The following PFKP variants were observed in gnomAD, a reference collection of about 807,000 sequenced individuals.
PFKP encodes the protein ATP-dependent 6-phosphofructokinase, platelet type.
Under a neutral mutation model 94.3 loss-of-function variants are expected in PFKP, and 101 were observed. That is an observed-to-expected ratio of 1.07 (90% CI 0.91 to 1.26). The LOEUF (loss-of-function observed/expected upper bound fraction) is 1.26, where lower values mean the gene tolerates loss of function less well. Ranked by LOEUF, PFKP falls within the 50% of genes most tolerant of loss-of-function variation. The probability of loss-of-function intolerance (pLI) is 0.00; values close to 1 mark genes in which losing one functional copy is unlikely to be tolerated. For missense variants in PFKP, 1,145 were observed against 1,103.3 expected, an observed-to-expected ratio of 1.04 and a Z score of -0.53; for synonymous variants, 573 against 432.6, an observed-to-expected ratio of 1.32 and a Z score of -4.03.
chr10:3,084,713 AGGAGAGTCCTCCAGCC>A (rs1833358637), intron 2 of PFKP, among the ~76,000 whole-genome samples: 1 of 67,464 alleles, frequency 1.5e-5, no homozygotes, highest in Non-Finnish European at 3.7e-5. Context: ...GCCCCTCCCC[AGGAGAGTCCTCCAGCC>A]CCTCCCCAGG....
intron 1 of PFKP, among the ~76,000 whole-genome samples, chr10:3,071,243 G>A (rs1174462507): frequency 6.6e-6 from 1 of 151,930 alleles, no homozygotes; most frequent in Non-Finnish European, 1.5e-5. Context: ...TTATGTGATG[G>A]GCTGCTTTTT....
In PFKP at chr10:3,100,862, C is replaced by CAAAAAAAAAAAAAA. The variant is rs71294492; in HGVS notation, c.265-496_265-483dup. On this transcript the variant is annotated intron_variant, in intron 3 of 21. Transcript: ENST00000381125. ...TAAAAGGGGCAGCGAGTATGTGGTGCAAAAAAAAAAAAAAAAAAAATCCCC... is the reference window on the plus strand; with the variant it reads ...TAAAAGGGGCAGCGAGTATGTGGTGCAAAAAAAAAAAAAAAAAAAAAAAAAAAAAAAAAATCCCC... 1,481 of 656,260 alleles carry CAAAAAAAAAAAAAA rather than the reference C, an allele frequency of 2.3e-3. 31 individuals are homozygous for CAAAAAAAAAAAAAA. Among genetic ancestry groups the CAAAAAAAAAAAAAA allele is most frequent in the African/African-American group, 0.017 (685 of 40,896 alleles). The allele number at this position is 656,260 out of a possible 1,614,324, so 40.7% of individuals were successfully genotyped here.
Position 3,078,622 on chromosome 10 carries a change from A to G in PFKP, c.113-3766A>G, listed in dbSNP as rs905021446. On this transcript the variant is annotated intron_variant, in intron 1 of 21. Coordinates refer to ENST00000381125, the MANE Select transcript of PFKP (RefSeq NM_002627.5). ...AAATTAGGAAGGCTTGAAAGTTAAAATGAAATAAGACTAGGGTTTACACTA... is the reference window on the plus strand; with the variant it reads ...AAATTAGGAAGGCTTGAAAGTTAAAGTGAAATAAGACTAGGGTTTACACTA... Among the ~76,000 whole-genome samples, 3 of 152,368 alleles carry G rather than the reference A, an allele frequency of 2.0e-5. No individual in the cohort carries two copies. The East Asian group carries it at 5.8e-4, about 29-fold the overall frequency.
At chr10:3,076,930 C>T (rs143650660) in intron 1 of PFKP, among the ~76,000 whole-genome samples, 2 of 152,268 alleles carry the variant, frequency 1.3e-5, no homozygotes, top group African/African-American at 4.8e-5. Flanking sequence ...CCTTTGGCAT[C>T]CCACCTCCCC....
chr10:3,077,254 T>C (rs1300235074), intron 1 of PFKP, among the ~76,000 whole-genome samples: 1 of 94,562 alleles, frequency 1.1e-5, no homozygotes. Flanking sequence ...CTTTACTTTT[T>C]TTTTTTCTTT....
intron 17 of PFKP, among the ~76,000 whole-genome samples, chr10:3,130,688 T>A (rs1838473836): frequency 6.6e-6 from 1 of 152,170 alleles, no homozygotes; most frequent in African/African-American, 2.4e-5. Context: ...GCCTCCCAAG[T>A]AGCTGGGATT....
chr10:3,131,508 G>C (rs180990136), intron 17 of PFKP, among the ~76,000 whole-genome samples: 188 of 152,248 alleles, frequency 1.2e-3, no homozygotes, highest in African/African-American at 4.5e-3. Context: ...CCAGGCTGGA[G>C]TGTAGTGGCA....
chr10:3,079,930 C>T (rs534680843), intron 1 of PFKP, among the ~76,000 whole-genome samples: 11 of 151,156 alleles, frequency 7.3e-5, no homozygotes, highest in African/African-American at 2.7e-4. Flanking sequence ...TCTGTCCTGC[C>T]AGGAATAAAT....
At position 3,068,721 on chromosome 10, in the gene PFKP, C is replaced by G. The variant is rs540928972; in HGVS notation, c.112+1014C>G. 6 of 984,262 alleles carry G rather than the reference C, an allele frequency of 6.1e-6. No individual in the cohort carries two copies. The Admixed American group carries it at 1.8e-4, about 30-fold the overall frequency. The allele number at this position is 984,262 out of a possible 1,614,324, so 61.0% of individuals were successfully genotyped here. ...CCGGTGCCCGGATGATGGAGTGTCC[C>G]GATCCGTGCAATCCCTGGCGGGTAG... is the stretch of plus-strand genomic sequence containing the variant. On this transcript the variant is annotated intron_variant, in intron 1 of 21. Coordinates refer to ENST00000381125, the MANE Select transcript of PFKP (RefSeq NM_002627.5).
chr10:3,119,519 C>T (rs1473485996), intron 15 of PFKP, among the ~76,000 whole-genome samples: 9 of 152,094 alleles, frequency 5.9e-5, no homozygotes, highest in African/African-American at 9.7e-5. Flanking sequence ...GCAGGAGAAT[C>T]GCTTGAACCC....
intron 16 of PFKP, among the ~76,000 whole-genome samples, chr10:3,124,491 G>A (rs576351011): frequency 2.0e-4 from 31 of 152,166 alleles, no homozygotes; most frequent in Middle Eastern, 3.4e-3. Context: ...TCGCCTGTGC[G>A]GCTTTGTGTG....
intron 1 of PFKP, among the ~76,000 whole-genome samples, chr10:3,076,429 A>G (rs567022805): frequency 1.5e-4 from 23 of 151,892 alleles, no homozygotes; most frequent in Non-Finnish European, 2.4e-4. Context: ...CCAGATGTCC[A>G]TTTGGCTAAA....
At chr10:3,082,306 G>T (rs2131421673) in intron 1 of PFKP, 82 bp from the exon 2 acceptor site, 4 of 965,752 alleles carry the variant, frequency 4.1e-6, no homozygotes, top group East Asian at 2.5e-5. Flanking sequence ...TTAGGAAACG[G>T]ACCCATGGTC....
chr10:3,075,936 G>A lies in PFKP; in HGVS notation c.113-6452G>A, dbSNP rs116426868. The stretch of plus-strand genomic sequence containing the variant: ...AAAAAAAAAAAAAAGTAGTGAACCC[G>A]GGAAGCGGAGCTTGCAGTGAGCCGA... On this transcript the variant is annotated intron_variant, in intron 1 of 21. Coordinates refer to ENST00000381125, the MANE Select transcript of PFKP (RefSeq NM_002627.5). Among the ~76,000 whole-genome samples, 1,048 of 142,268 alleles carry A rather than the reference G, an allele frequency of 7.4e-3. 17 individuals carry two copies. The highest frequency in any genetic ancestry group is 0.026 in the African/African-American group (990 of 37,624). The allele number at this position is 142,268 out of a possible 152,430, so 93.3% of individuals were successfully genotyped here.
In PFKP at chr10:3,099,281, C is replaced by T; in HGVS notation, c.193C>T (p.Gln65Ter). The T allele has an allele frequency of 6.2e-7, 1 of 1,612,638 alleles. No individual in the cohort carries two copies. The highest frequency in any genetic ancestry group is 8.5e-7 in the Non-Finnish European group (1 of 1,178,632). Residue 65 changes from glutamine (Q) to a stop codon, truncating the protein, a stop_gained, in exon 3 of 22, where the codon CAG becomes TAG. Transcript: ENST00000381125. LOFTEE classifies it high-confidence loss of function. ...AKVYFIYEGY[Q>*]GMVDGGSNIA... ...TTCTCCCTTTCTCCCCTAGGGCTAC[C>T]AGGGCATGGTGGACGGAGGCTCAAA...
chr10:3,069,211 CG>C, intron 1 of PFKP: 1 of 1,311,216 alleles, frequency 7.6e-7, no homozygotes, highest in Non-Finnish European at 9.8e-7. Flanking sequence ...GCAGCGCCCC[CG>C]GGAAGTGCTC....
Position 3,108,731 on chromosome 10 carries a change from C to T in PFKP, c.901C>T (p.Arg301Cys), listed in dbSNP as rs751355114. Residue 301 changes from arginine to cysteine, a missense_variant, in exon 9 of 22, where the codon CGT becomes TGT. Arg to Cys is a radical substitution (Grantham distance 180). This residue lies in a region of PFKP where 1,119 missense variants were observed against 1,062.8 expected (regional missense o/e 1.05). Coordinates refer to ENST00000381125, the MANE Select transcript of PFKP (RefSeq NM_002627.5). The part of the protein sequence containing the change: ...LVVTQLGYDT[R>C]VTILGHVQRG... ...CGTCACGCAGCTGGGCTATGACACACGTGTGACCATCCTCGGGCACGTGCA... is the reference window on the plus strand; with the variant it reads ...CGTCACGCAGCTGGGCTATGACACATGTGTGACCATCCTCGGGCACGTGCA... 12 of 1,613,922 alleles carry T rather than the reference C, an allele frequency of 7.4e-6. No individual in the cohort carries two copies. The highest frequency in any genetic ancestry group is 2.2e-5 in the East Asian group (1 of 44,870).
chr10:3,078,478 G>A (rs1181378311), intron 1 of PFKP, among the ~76,000 whole-genome samples: 3 of 152,152 alleles, frequency 2.0e-5, no homozygotes, highest in African/African-American at 7.2e-5. Context: ...TTCAGAGGGA[G>A]GGCTTAGAAC....
intron 1 of PFKP, among the ~76,000 whole-genome samples, chr10:3,076,397 C>T (rs1246124005): frequency 6.6e-6 from 1 of 152,134 alleles, no homozygotes; most frequent in South Asian, 2.1e-4. Context: ...CGCCCCAGCC[C>T]CTCTGCTACC....
Sources: gnomAD v4.1 joint callset for allele counts (sites outside exome capture counted in the v4.1 genomes callset) on GRCh38, gnomAD v4.1.1 for gene constraint, gnomAD v4.1.1 regional missense constraint, MANE v1.5 for transcripts, NCBI Gene and HGNC (gene_info 2026-07-23, HGNC 2026-07-21) for gene names.